Variants in EYS observed in about 807,000 individuals in gnomAD.
EYS encodes EGF-like photoreceptor maintenance factor.
In EYS, 250 loss-of-function variants were observed where a neutral mutation model predicts 282.1. The observed-to-expected ratio is 0.89, with a 90% CI of 0.80 to 0.98. The LOEUF (loss-of-function observed/expected upper bound fraction) is 0.98. Ranked by LOEUF, EYS falls within the 50% of genes least tolerant of loss-of-function variation. EYS has a pLI of 0.00. For synonymous variants in EYS, 1,355 were observed against 1,282.9 expected, an observed-to-expected ratio of 1.06 and a Z score of -1.20; for missense variants, 4,016 against 3,709.0, an observed-to-expected ratio of 1.08 and a Z score of -2.15.
chr6:64,763,436 A>T (rs922001843), intron 22 of EYS, among the ~76,000 whole-genome samples: 1 of 152,072 alleles, frequency 6.6e-6, no homozygotes, highest in Non-Finnish European at 1.5e-5. Context: ...AAATCATGAG[A>T]TCTCATGAGA....
At chr6:64,675,617 A>T (rs944003788) in intron 22 of EYS, among the ~76,000 whole-genome samples, 1 of 151,806 alleles carries the variant, frequency 6.6e-6, no homozygotes, top group African/African-American at 2.4e-5. Flanking sequence ...TTTAGTAGAG[A>T]CAGGGTTTCA....
chr6:64,703,429 A>ATATTTTTT (rs869208549), intron 22 of EYS, among the ~76,000 whole-genome samples: 3 of 23,358 alleles, frequency 1.3e-4, no homozygotes, highest in African/African-American at 1.9e-4. Flanking sequence ...ATATATATAT[A>ATATTTTTT]TTTTTTTTTT....
intron 8 of EYS, among the ~76,000 whole-genome samples, chr6:65,367,930 A>G (rs1018589132): frequency 2.0e-5 from 3 of 151,778 alleles, no homozygotes; most frequent in Admixed American, 1.3e-4. Context: ...CCATTCTCAT[A>G]CTGCTAATAA....
intron 13 of EYS, among the ~76,000 whole-genome samples, chr6:65,018,191 C>T (rs528999136): frequency 1.3e-5 from 2 of 152,284 alleles, no homozygotes; most frequent in East Asian, 1.9e-4. Context: ...TATCAAAGCA[C>T]CACAAACTGG....
intron 12 of EYS, among the ~76,000 whole-genome samples, chr6:65,108,279 G>A (rs1775103194): frequency 6.8e-6 from 1 of 147,774 alleles, no homozygotes; most frequent in South Asian, 2.1e-4. Flanking sequence ...AGAATTTGAG[G>A]TTGACTTTAA....
chr6:64,395,851 G>C (rs1256043970), intron 28 of EYS, among the ~76,000 whole-genome samples: 9 of 151,116 alleles, frequency 6.0e-5, no homozygotes, highest in African/African-American at 2.2e-4. Flanking sequence ...CACCTACATA[G>C]CATCCAACAA....
chr6:65,217,907 T>A (rs1373297532), intron 12 of EYS, among the ~76,000 whole-genome samples: 2 of 152,074 alleles, frequency 1.3e-5, no homozygotes, highest in African/African-American at 4.8e-5. Context: ...TATTCTGACT[T>A]GCTGTGTGGA....
intron 26 of EYS, among the ~76,000 whole-genome samples, chr6:64,550,249 C>G (rs181397448): frequency 3.1e-4 from 47 of 152,218 alleles, no homozygotes; most frequent in African/African-American, 1.1e-3. Context: ...TGGGTATATA[C>G]CCAGTAATGG....
chr6:64,138,713 T>C (rs60468823), intron 31 of EYS, among the ~76,000 whole-genome samples: 12,723 of 152,158 alleles, frequency 0.084, 1,661 homozygotes, highest in African/African-American at 0.28. Context: ...TGCTGTTTTT[T>C]CAACAGCACT....
intron 39 of EYS, among the ~76,000 whole-genome samples, chr6:63,783,202 C>A (rs1179471659): frequency 6.6e-6 from 1 of 152,136 alleles, no homozygotes; most frequent in Non-Finnish European, 1.5e-5. Context: ...TATTTAATAA[C>A]CTCCATATCA....
intron 31 of EYS, among the ~76,000 whole-genome samples, chr6:64,108,406 G>A (rs1046269909): frequency 9.3e-5 from 14 of 150,292 alleles, no homozygotes; most frequent in African/African-American, 3.4e-4. Flanking sequence ...GCTCATTAAA[G>A]TTTTTGTTTT....
intron 35 of EYS, among the ~76,000 whole-genome samples, chr6:63,931,303 TACTC>T (rs75956823): frequency 0.3 from 45,244 of 151,758 alleles, 6,790 homozygotes; most frequent in Admixed American, 0.38. Context: ...CTCTTTCTGT[TACTC>T]ACTCACTCAC....
chr6:64,335,808 T>G (rs1180006577), intron 29 of EYS, among the ~76,000 whole-genome samples: 1 of 152,112 alleles, frequency 6.6e-6, no homozygotes, highest in Non-Finnish European at 1.5e-5. Context: ...TAGAGTAGAT[T>G]GAGGCCCTAT....
At chr6:63,777,762 C>G (rs1770101206) in intron 40 of EYS, 1 of 399,022 alleles carries the variant, frequency 2.5e-6, no homozygotes, top group Non-Finnish European at 4.6e-6. Context: ...TTTCATGGTG[C>G]CTGGAATGAG....
intron 5 of EYS, among the ~76,000 whole-genome samples, chr6:65,449,108 A>T (rs1764308824): frequency 6.6e-6 from 1 of 152,092 alleles, no homozygotes; most frequent in East Asian, 1.9e-4. Context: ...AAAATAACCT[A>T]GTCCAAAAGA....
At chr6:64,141,379 G>A (rs1376066762) in intron 31 of EYS, among the ~76,000 whole-genome samples, 1 of 152,198 alleles carries the variant, frequency 6.6e-6, no homozygotes, top group Admixed American at 6.5e-5. Flanking sequence ...TGAAAAGAGA[G>A]AAATCACTTC....
chr6:64,706,346 C>G (rs993231895), intron 22 of EYS, among the ~76,000 whole-genome samples: 1 of 152,062 alleles, frequency 6.6e-6, no homozygotes, highest in Non-Finnish European at 1.5e-5. Context: ...TAAGATCTAA[C>G]ATTATAAAAA....
In EYS at chr6:64,189,361, A is replaced by G. The variant is rs546009973; in HGVS notation, c.6424+41231T>C. On this transcript the variant is annotated intron_variant, in intron 31 of 42. Coordinates refer to ENST00000503581, the MANE Select transcript of EYS (RefSeq NM_001142800.2). The stretch of plus-strand genomic sequence containing the variant: ...GTTTTTATATTTTGGGATGTTTGGG[A>G]AAAAAAATCAAAAGAAGAATAACGT... Among the ~76,000 whole-genome samples, 5 of 152,168 alleles carry G rather than the reference A, an allele frequency of 3.3e-5. No individual in the cohort carries two copies. The South Asian group carries it at 6.2e-4, about 19-fold the overall frequency.
chr6:65,125,805 C>T (rs1775701926), intron 12 of EYS, among the ~76,000 whole-genome samples: 1 of 152,110 alleles, frequency 6.6e-6, no homozygotes, highest in Non-Finnish European at 1.5e-5. Flanking sequence ...GACAATCTCC[C>T]TTCCCTTGCT....
Sources: gnomAD v4.1 joint callset for allele counts (sites outside exome capture counted in the v4.1 genomes callset) on GRCh38, gnomAD v4.1.1 for gene constraint, MANE v1.5 for transcripts, NCBI Gene and HGNC (gene_info 2026-07-23, HGNC 2026-07-21) for gene names.